PANK3: variants seen among roughly 807,000 people sequenced by gnomAD.
PANK3 encodes the protein hPanK3.
PANK3 carries 20 observed loss-of-function variants against 39.4 expected under a neutral mutation model. The ratio of observed to expected loss-of-function variants is 0.51; its 90% confidence interval spans 0.36 to 0.74. The LOEUF (loss-of-function observed/expected upper bound fraction) is 0.74, where lower values mean the gene tolerates loss of function less well. PANK3 is among the 30% of genes least tolerant of loss of function. The probability of loss-of-function intolerance (pLI) is 0.00; values close to 1 mark genes in which losing one functional copy is unlikely to be tolerated. For synonymous variants in PANK3, 140 were observed against 157.3 expected (o/e 0.89, Z 0.82); for missense variants, 265 against 437.0 (o/e 0.61, Z 3.51).
At chr5:168,575,592 C>T (rs911323933) in intron 1 of PANK3, among the ~76,000 whole-genome samples, 1 of 152,090 alleles carries the variant, frequency 6.6e-6, no homozygotes, top group African/African-American at 2.4e-5. Flanking sequence ...ACCAGCCTGG[C>T]AAGGGCAACA....
At position 168,569,006 on chromosome 5, in the gene PANK3, A is replaced by AGG. The variant is rs776338650; in HGVS notation, c.29-10_29-9dup. The AGG allele has an allele frequency of 2.7e-4, 65 of 244,018 alleles. 1 individual carries two copies. The highest frequency in any genetic ancestry group is 7.5e-4 in the East Asian group (9 of 12,010). The allele number at this position is 244,018 out of a possible 1,614,324, so 15.1% of individuals were successfully genotyped here. On this transcript the variant is annotated splice_polypyrimidine_tract_variant and intron_variant, in intron 1 of 6. Transcript: ENST00000239231. ...TGCCAAACCATGGGAAAGCTATGGG[A>AGG]GGAAAAAAAAAAAAAAAAAAAAAAA...
chr5:168,557,763 T>C (rs1561838907), intron 6 of PANK3, 142 bp from the exon 7 acceptor site: 2 of 612,716 alleles, frequency 3.3e-6, no homozygotes, highest in Non-Finnish European at 5.4e-6. Context: ...TGTTAGCTAT[T>C]ATAAAAAATT....
intron 4 of PANK3, among the ~76,000 whole-genome samples, chr5:168,562,490 G>C (rs1422545555): frequency 6.6e-6 from 1 of 152,174 alleles, no homozygotes; most frequent in Non-Finnish European, 1.5e-5. Flanking sequence ...TTACTGAAGA[G>C]TGAGACAAAG....
intron 1 of PANK3, among the ~76,000 whole-genome samples, chr5:168,578,049 C>A (rs1021832256): frequency 6.6e-6 from 1 of 152,130 alleles, no homozygotes; most frequent in African/African-American, 2.4e-5. Flanking sequence ...TTTTAATTAA[C>A]AGATGAAACT....
chr5:168,573,862 G>T (rs1759688261), intron 1 of PANK3, among the ~76,000 whole-genome samples: 1 of 151,958 alleles, frequency 6.6e-6, no homozygotes. Context: ...CTTTTTTATG[G>T]CTGCATAGTA....
intron 5 of PANK3, chr5:168,561,045 C>T (rs986906135): frequency 2.0e-5 from 7 of 343,782 alleles, no homozygotes; most frequent in Admixed American, 3.4e-5. Flanking sequence ...AGCATAGCTG[C>T]CTTCCAAATG....
At chr5:168,559,269 G>C (rs158894) in intron 5 of PANK3, 112 bp from the exon 6 acceptor site, 525,464 of 670,014 alleles carry the variant, frequency 0.78, 207,941 homozygotes, top group East Asian at 0.93. Flanking sequence ...ACACAACTAC[G>C]CTTTATTAGT....
At chr5:168,560,784 A>G (rs1759434096) in intron 5 of PANK3, 2 of 188,366 alleles carry the variant, frequency 1.1e-5, no homozygotes, top group Admixed American at 1.1e-4. Flanking sequence ...TTAAATATAT[A>G]TATTCTCTTC....
chr5:168,568,651 G>A lies in PANK3; in HGVS notation c.376C>T (p.Arg126Cys). The change falls in exon 2 of 7, where the codon CGC (arginine) becomes TGC (cysteine). Residue 126 changes from arginine (R) to cysteine (C), a missense_variant. Arg to Cys is a radical substitution (Grantham distance 180, BLOSUM62 -3). Coordinates refer to ENST00000239231, the MANE Select transcript of PANK3 (RefSeq NM_024594.4). ...GGAYKFEKDF[R>C]TIGNLHLHKL... is the part of the protein sequence containing the mutation. ...TTTGAGTAAAAGATACCTACTGTGC[G>A]AAAATCTTTTTCAAACTTGTAAGCA... 1 of 1,602,002 alleles carries A rather than the reference G, an allele frequency of 6.2e-7. No individual in the cohort carries two copies. The highest frequency in any genetic ancestry group is 2.2e-5 in the East Asian group (1 of 44,718).
chr5:168,573,538 T>C (rs372566976), intron 1 of PANK3, among the ~76,000 whole-genome samples: 27 of 151,210 alleles, frequency 1.8e-4, no homozygotes, highest in East Asian at 1.2e-3. Context: ...ATTATTATTA[T>C]ACTTTAAGTT....
rs572360272 is a variant in PANK3, at chr5:168,557,671, TATA to T, written c.1063-53_1063-51del. ...ATGTAGTACAGCTTTTAAGTTAGCA[TATA>T]ATATTAACCACTTGAGAACACACAA... On this transcript the variant is annotated intron_variant, in intron 6 of 6. Coordinates refer to ENST00000239231, the MANE Select transcript of PANK3 (RefSeq NM_024594.4). 2.6e-4 allele frequency: 375 copies of T among 1,450,016 alleles called. 2 individuals are homozygous for T. In the African/African-American group the frequency reaches 4.6e-3, roughly 18 times the overall value. 89.8% of individuals were successfully genotyped at this position (1,450,016 alleles called of 1,614,324 possible). A position where few individuals can be genotyped will look rare whatever the true frequency, so the allele number is the denominator to read the frequency against.
chr5:168,579,010 C>A (rs566839571), intron 1 of PANK3, among the ~76,000 whole-genome samples: 2 of 152,220 alleles, frequency 1.3e-5, no homozygotes, highest in East Asian at 3.9e-4. Context: ...CCCTCTGGCA[C>A]CTCCCAGATC....
intron 1 of PANK3, among the ~76,000 whole-genome samples, chr5:168,571,062 A>G (rs1230227335): frequency 6.6e-6 from 1 of 152,216 alleles, no homozygotes; most frequent in Admixed American, 6.5e-5. Flanking sequence ...TATACTGTAT[A>G]TATTCGGAAG....
chr5:168,559,009 C>G, intron 6 of PANK3, 23 bp downstream of exon 6: 1 of 1,592,890 alleles, frequency 6.3e-7, no homozygotes, highest in African/African-American at 1.4e-5. Context: ...TTAAAATTCA[C>G]AAAAAACATT....
chr5:168,559,620 AG>A (rs1329337515), intron 5 of PANK3, among the ~76,000 whole-genome samples: 1 of 152,234 alleles, frequency 6.6e-6, no homozygotes, highest in Non-Finnish European at 1.5e-5. Flanking sequence ...AGATGATTTC[AG>A]GTGAGATTTG....
intron 6 of PANK3, 129 bp downstream of exon 6, chr5:168,558,903 G>T: frequency 1.3e-6 from 1 of 775,864 alleles, no homozygotes. Context: ...GAGGATTGAT[G>T]AGCCCAGGAG....
intron 1 of PANK3, among the ~76,000 whole-genome samples, chr5:168,572,002 A>G (rs1759638544): frequency 6.6e-6 from 1 of 152,200 alleles, no homozygotes; most frequent in Admixed American, 6.5e-5. Context: ...GAGCTCAAAC[A>G]CAATACTTCA....
rs1471385832 is a variant in PANK3, at chr5:168,563,806, TTC to T, written c.812+81_812+82del. 5.2e-5 allele frequency: 67 copies of T among 1,289,248 alleles called. No homozygotes were observed. In the East Asian group the frequency reaches 1.3e-3, roughly 25 times the overall value. The allele number at this position is 1,289,248 out of a possible 1,614,324, so 79.9% of individuals were successfully genotyped here. A position where few individuals can be genotyped will look rare whatever the true frequency, so the allele number is the denominator to read the frequency against. On this transcript the variant is annotated intron_variant, in intron 4 of 6. Coordinates refer to ENST00000239231, the MANE Select transcript of PANK3 (RefSeq NM_024594.4). ...GATAAGAGAAAGCACCCTTACAACT[TTC>T]TGTTACATTGCTTTCCAAAAACATA...
At chr5:168,575,590 G>A (rs921093919) in intron 1 of PANK3, among the ~76,000 whole-genome samples, 3 of 152,088 alleles carry the variant, frequency 2.0e-5, no homozygotes, top group Non-Finnish European at 4.4e-5. Context: ...AGACCAGCCT[G>A]GCAAGGGCAA....
Sources: allele counts gnomAD v4.1 joint callset (sites outside exome capture counted in the v4.1 genomes callset), GRCh38; gene constraint gnomAD v4.1.1; transcripts MANE v1.5; gene names NCBI Gene and HGNC (gene_info 2026-07-23, HGNC 2026-07-21).